The following TCTN1 variants were observed in gnomAD, a reference collection of about 807,000 sequenced individuals.
TCTN1 encodes the protein tectonic-1.
A neutral mutation model predicts 65.8 loss-of-function variants in TCTN1; 58 were observed. That is an observed-to-expected ratio of 0.88 (90% CI 0.71 to 1.10). The LOEUF is 1.10. Ranked by LOEUF, TCTN1 falls within the 50% of genes least tolerant of loss-of-function variation. TCTN1 has a pLI of 0.00. For synonymous variants in TCTN1, 273 were observed against 289.1 expected, an observed-to-expected ratio of 0.94 and a Z score of 0.57; for missense variants, 645 against 719.4, an observed-to-expected ratio of 0.90 and a Z score of 1.18.
chr12:110,633,676 C>T (rs544248356), intron 5 of TCTN1, among the ~76,000 whole-genome samples: 67 of 151,948 alleles, frequency 4.4e-4, no homozygotes, highest in Admixed American at 1.3e-3. Flanking sequence ...AAAACAACTC[C>T]CCCTCCCCCA....
In TCTN1 at chr12:110,623,865, A is replaced by G. The variant is rs535095155; in HGVS notation, c.342-2497A>G. ...CTCCCAAAATGCTGGGATTACAGGC[A>G]TGAGCCACGGTGCTTGGGCTGTACC... On this transcript the variant is annotated intron_variant, in intron 2 of 14. Coordinates refer to ENST00000397659, the MANE Select transcript of TCTN1 (RefSeq NM_001082538.3). Among the ~76,000 whole-genome samples the G allele has an allele frequency of 1.2e-4, 18 of 152,130 alleles. 1 individual carries two copies. Among genetic ancestry groups the G allele is most frequent in the African/African-American group, 4.1e-4 (17 of 41,498 alleles).
intron 3 of TCTN1, chr12:110,628,225 G>C: frequency 6.5e-7 from 1 of 1,535,642 alleles, no homozygotes; most frequent in Admixed American, 2.0e-5. Flanking sequence ...CTGTTTACTT[G>C]TAAGTGCTAC....
intron 10 of TCTN1, 80 bp downstream of exon 10, chr12:110,641,707 C>T: frequency 7.2e-7 from 1 of 1,398,464 alleles, no homozygotes; most frequent in Non-Finnish European, 1.0e-6. Flanking sequence ...ATCGCTGAGG[C>T]TCCCCTGGGC....
intron 5 of TCTN1, among the ~76,000 whole-genome samples, chr12:110,633,889 T>A (rs879013071): frequency 6.6e-6 from 1 of 152,214 alleles, no homozygotes; most frequent in Admixed American, 6.5e-5. Context: ...CTGTTCTACT[T>A]CCAGGAGTTG....
chr12:110,646,751 C>A, intron 12 of TCTN1: 1 of 218,732 alleles, frequency 4.6e-6, no homozygotes, highest in Non-Finnish European at 9.2e-6. Context: ...GAAAAGAAAG[C>A]ACTTAAATTT....
chr12:110,647,915 C>T, intron 14 of TCTN1, 22 bp downstream of exon 14: 2 of 1,612,164 alleles, frequency 1.2e-6, no homozygotes, highest in Non-Finnish European at 1.7e-6. Flanking sequence ...AACTACGCCC[C>T]TCCTCTGAGG....
chr12:110,637,343 G>C (rs1287431676), intron 7 of TCTN1, among the ~76,000 whole-genome samples: 2 of 152,240 alleles, frequency 1.3e-5, no homozygotes, highest in Non-Finnish European at 2.9e-5. Flanking sequence ...TGCACTGGCT[G>C]TGATTGACTT....
chr12:110,627,132 C>T (rs1440553186), intron 3 of TCTN1, among the ~76,000 whole-genome samples: 14 of 140,556 alleles, frequency 1.0e-4, no homozygotes, highest in Non-Finnish European at 2.0e-4. Context: ...GAGTCTCACT[C>T]TGTTGCCCAG....
chr12:110,638,652 G>A (rs2066746090), intron 7 of TCTN1, among the ~76,000 whole-genome samples: 1 of 152,150 alleles, frequency 6.6e-6, no homozygotes, highest in South Asian at 2.1e-4. Context: ...TCGAGACGAG[G>A]GCAGCTCCTG....
At chr12:110,647,698 A>G (rs1351234039) in intron 13 of TCTN1, 51 bp from the exon 14 acceptor site, 5 of 1,613,828 alleles carry the variant, frequency 3.1e-6, no homozygotes, top group South Asian at 2.2e-5. Flanking sequence ...CATTGTTGTC[A>G]TTCTGGGAGC....
chr12:110,647,558 A>G (rs1035567130), intron 13 of TCTN1, 191 bp from the exon 14 acceptor site: 3 of 1,026,170 alleles, frequency 2.9e-6, no homozygotes, highest in African/African-American at 3.2e-5. Context: ...AAATTATGAT[A>G]TTCACGTGTT....
chr12:110,647,784 C>A lies in TCTN1; in HGVS notation c.1671C>A (p.Ser557=), dbSNP rs200067409. ...GAAATGAAAGGACGATTCTTATTTCCACTGCGGTTACTTTTGTGGATGTGT... is the reference window on the plus strand; with the variant it reads ...GAAATGAAAGGACGATTCTTATTTCAACTGCGGTTACTTTTGTGGATGTGT... ...NSGNERTILI[S]TAVTFVDVSA... Residue 557 remains serine, a synonymous_variant, in exon 14 of 15, where the codon TCC becomes TCA. Coordinates refer to ENST00000397659, the MANE Select transcript of TCTN1 (RefSeq NM_001082538.3). 214 of 1,614,070 alleles carry A rather than the reference C, an allele frequency of 1.3e-4. No individual in the cohort carries two copies. The highest frequency in any genetic ancestry group is 1.5e-4 in the Non-Finnish European group (175 of 1,180,054).
intron 14 of TCTN1, among the ~76,000 whole-genome samples, chr12:110,648,331 C>T (rs1444614450): frequency 6.6e-6 from 1 of 152,208 alleles, no homozygotes; most frequent in African/African-American, 2.4e-5. Context: ...TCTCCACTCC[C>T]TTCCTGCCTT....
chr12:110,640,406 C>T lies in TCTN1; in HGVS notation c.867C>T (p.Ile289=), dbSNP rs764479250. The part of the protein sequence containing the change: ...RKKVPITVQS[I]VIQSLNKTLT... ...AGGTCCCTATCACTGTTCAGTCCAT[C>T]GTCATTCAGTCTCTAAATAAAACGC... Residue 289 remains isoleucine (I), a synonymous_variant, in exon 8 of 15, where the codon ATC becomes ATT. Transcript: ENST00000397659. The surrounding 1 kb of genome is among the most constrained non-coding windows in gnomAD (Gnocchi z 4.9). 5 of 1,614,154 alleles carry T rather than the reference C, an allele frequency of 3.1e-6. No homozygotes were observed. Among genetic ancestry groups the T allele is most frequent in the South Asian group, 2.2e-5 (2 of 91,080 alleles).
rs747541588 is a variant in TCTN1 at position 110,614,253 on chromosome 12, C to T, written c.71C>T (p.Thr24Ile). The T allele has an allele frequency of 6.3e-7, 1 of 1,594,814 alleles. No homozygotes were observed. The highest frequency in any genetic ancestry group is 1.1e-5 in the South Asian group (1 of 88,124). ...LGCWASVSAQ[T>I]DATPAVTTEG... The stretch of plus-strand genomic sequence containing the variant: ...TGCTGGGCCTCCGTGAGCGCCCAGA[C>T]CGATGCCACCCCGGCGGTGACGACA... Residue 24 changes from threonine (T) to isoleucine (I), a missense_variant, in exon 1 of 15, where the codon ACC (threonine) becomes ATC (isoleucine). Transcript: ENST00000397659.
intron 7 of TCTN1, 98 bp downstream of exon 7, chr12:110,636,599 G>A (rs2066586952): frequency 1.3e-6 from 1 of 760,392 alleles, no homozygotes; most frequent in South Asian, 1.5e-5. Context: ...ACAATTAGAA[G>A]GGGACCTTGT....
At chr12:110,635,066 C>T (rs1371118135) in intron 6 of TCTN1, among the ~76,000 whole-genome samples, 1 of 152,158 alleles carries the variant, frequency 6.6e-6, no homozygotes, top group Non-Finnish European at 1.5e-5. Context: ...TAACTAAAAA[C>T]TTTAGAAATC....
chr12:110,641,852 T>G, intron 10 of TCTN1: 2 of 565,686 alleles, frequency 3.5e-6, no homozygotes, highest in East Asian at 2.9e-5. Flanking sequence ...CCTGGGAAAA[T>G]GTCAGTGTTT....
At position 110,649,023 on chromosome 12, in the gene TCTN1, CTTCT is replaced by C. The variant is rs755943364; in HGVS notation, c.*2-17_*2-14del. 7.9e-5 allele frequency: 38 copies of C among 481,560 alleles called. No homozygotes were observed. Among genetic ancestry groups the C allele is most frequent in the South Asian group, 5.6e-4 (35 of 62,322 alleles). The allele number at this position is 481,560 out of a possible 1,614,324, so 29.8% of individuals were successfully genotyped here. A position where few individuals can be genotyped will look rare whatever the true frequency, so the allele number is the denominator to read the frequency against. On this transcript the variant is annotated splice_polypyrimidine_tract_variant and intron_variant, in intron 14 of 14. Coordinates refer to ENST00000397659, the MANE Select transcript of TCTN1 (RefSeq NM_001082538.3). Reference sequence around the variant, plus strand: ...TAGAATGGGGTGGCAGCTAAAGTAGCTTCTTTTTCTTTCTTTCAGAATGCTCAGA... The same window carrying C: ...TAGAATGGGGTGGCAGCTAAAGTAGCTTTTCTTTCTTTCAGAATGCTCAGA...
Sources: gnomAD v4.1 joint callset for allele counts (sites outside exome capture counted in the v4.1 genomes callset) on GRCh38, gnomAD v4.1.1 for gene constraint, Gnocchi (gnomAD v3.1) non-coding constraint, MANE v1.5 for transcripts, NCBI Gene and HGNC (gene_info 2026-07-23, HGNC 2026-07-21) for gene names.